TMEM117: variants seen among roughly 807,000 people sequenced by gnomAD.
TMEM117 encodes transmembrane protein 117.
TMEM117 carries 27 observed loss-of-function variants against 52.4 expected under a neutral mutation model. The ratio of observed to expected loss-of-function variants is 0.51; its 90% confidence interval spans 0.38 to 0.71. The LOEUF (loss-of-function observed/expected upper bound fraction) is 0.71. Ranked by LOEUF, TMEM117 falls within the 30% of genes least tolerant of loss-of-function variation. The pLI, the probability that TMEM117 is intolerant of heterozygous loss-of-function variation, is 0.00. For synonymous variants in TMEM117, 215 were observed against 206.3 expected, an observed-to-expected ratio of 1.04 and a Z score of -0.36; for missense variants, 556 against 630.5, an observed-to-expected ratio of 0.88 and a Z score of 1.26.
chr12:44,284,181 C>T (rs1424922563), intron 5 of TMEM117, among the ~76,000 whole-genome samples: 3 of 152,136 alleles, frequency 2.0e-5, no homozygotes, highest in Admixed American at 6.5e-5. Context: ...GGCATGGTGG[C>T]GCAGCCTGTA....
chr12:43,875,151 C>T (rs1015749787), intron 2 of TMEM117, among the ~76,000 whole-genome samples: 2 of 151,986 alleles, frequency 1.3e-5, no homozygotes, highest in African/African-American at 4.8e-5. Flanking sequence ...AAGTTAAATA[C>T]AAACAGCTTC....
chr12:43,862,133 C>G (rs1358769224), intron 2 of TMEM117, among the ~76,000 whole-genome samples: 1 of 152,174 alleles, frequency 6.6e-6, no homozygotes, highest in East Asian at 1.9e-4. Flanking sequence ...GGGCCCTTAA[C>G]TGATCCTCAA....
chr12:44,006,588 T>C (rs73087638), intron 3 of TMEM117, among the ~76,000 whole-genome samples: 10,236 of 152,174 alleles, frequency 0.067, 578 homozygotes, highest in African/African-American at 0.15. Flanking sequence ...TTTCCATCTC[T>C]CACAAAGAAT....
rs575585238 is a variant in TMEM117 at position 44,272,882 on chromosome 12, A to G, written c.609-26698A>G. Among the ~76,000 whole-genome samples, 1,002 of 152,326 alleles carry G rather than the reference A, an allele frequency of 6.6e-3. 6 individuals are homozygous for G. The highest frequency in any genetic ancestry group is 0.016 in the South Asian group (76 of 4,832). On this transcript the variant is annotated intron_variant, in intron 5 of 7. Transcript: ENST00000266534. ...CATCCCATTACTGGGTATATACCCA[A>G]AGGATTATAAATCATGCTGCTATAA...
chr12:43,950,486 A>T (rs1945201888), intron 3 of TMEM117, among the ~76,000 whole-genome samples: 3 of 151,488 alleles, frequency 2.0e-5, no homozygotes, highest in Admixed American at 6.6e-5. Flanking sequence ...TTTCATACTC[A>T]TGTCTTTCTG....
chr12:44,137,201 T>G (rs1948503414), intron 3 of TMEM117, among the ~76,000 whole-genome samples: 1 of 151,840 alleles, frequency 6.6e-6, no homozygotes, highest in African/African-American at 2.4e-5. Context: ...GGAAAATGAT[T>G]TAACATAGAG....
Position 44,260,737 on chromosome 12 carries a change from G to A in TMEM117, c.609-38843G>A, listed in dbSNP as rs189874179. 6.6e-5 allele frequency among the ~76,000 whole-genome samples: 10 copies of A among 152,242 alleles called. No individual in the cohort carries two copies. The East Asian group carries it at 1.9e-3, about 29-fold the overall frequency. ...ATAGAGATTAGTTTTGTTTTGTCTT[G>A]TTTAAAACCATCCTCCACCCCTTCC... On this transcript the variant is annotated intron_variant, in intron 5 of 7. Coordinates refer to ENST00000266534, the MANE Select transcript of TMEM117 (RefSeq NM_032256.3).
intron 2 of TMEM117, among the ~76,000 whole-genome samples, chr12:43,909,587 T>G (rs1163865755): frequency 6.7e-6 from 1 of 149,538 alleles, no homozygotes; most frequent in Non-Finnish European, 1.5e-5. Context: ...TCAACAAAAT[T>G]GATAGACCGC....
At chr12:43,861,677 A>G (rs1258542529) in intron 2 of TMEM117, among the ~76,000 whole-genome samples, 1 of 152,220 alleles carries the variant, frequency 6.6e-6, no homozygotes. Flanking sequence ...GACATATTTT[A>G]GCTTTAGGTA....
the TMEM117 span, chr12:43,804,456 A>G: frequency 7.7e-7 from 1 of 1,291,466 alleles, no homozygotes; most frequent in Non-Finnish European, 1.1e-6. Flanking sequence ...AACAGCCACT[A>G]ATCCAGGAAC....
At chr12:43,910,096 TA>T (rs1466162272) in intron 2 of TMEM117, among the ~76,000 whole-genome samples, 5 of 109,538 alleles carry the variant, frequency 4.6e-5, no homozygotes, top group Non-Finnish European at 9.6e-5. Flanking sequence ...AAATCCTCAA[TA>T]AAATACTGGC....
At chr12:43,965,672 A>G (rs1945472317) in intron 3 of TMEM117, among the ~76,000 whole-genome samples, 1 of 152,198 alleles carries the variant, frequency 6.6e-6, no homozygotes, top group Non-Finnish European at 1.5e-5. Context: ...TTCATTAAAT[A>G]TATGTCAAAT....
chr12:43,801,741 CA>C, the TMEM117 span, among the ~76,000 whole-genome samples: 1 of 152,034 alleles, frequency 6.6e-6, no homozygotes, highest in Non-Finnish European at 1.5e-5. Context: ...AAAATTACCA[CA>C]AATTAGGTTG....
chr12:44,362,922 G>A (rs1472534748), intron 6 of TMEM117, among the ~76,000 whole-genome samples: 2 of 151,242 alleles, frequency 1.3e-5, no homozygotes, highest in African/African-American at 2.4e-5. Flanking sequence ...GTGCGATCTC[G>A]GCTCACTACA....
intron 3 of TMEM117, among the ~76,000 whole-genome samples, chr12:43,967,580 C>CAGGA (rs911842552): frequency 6.6e-6 from 1 of 152,114 alleles, no homozygotes; most frequent in African/African-American, 2.4e-5. Context: ...AGATAATAGC[C>CAGGA]AGGAAGGACC....
intron 2 of TMEM117, among the ~76,000 whole-genome samples, chr12:43,883,344 A>C (rs576573867): frequency 6.6e-6 from 1 of 152,350 alleles, no homozygotes; most frequent in African/African-American, 2.4e-5. Flanking sequence ...ATTATAGTAC[A>C]TATGATTATT....
At chr12:44,266,898 C>G (rs1014395285) in intron 5 of TMEM117, among the ~76,000 whole-genome samples, 1 of 152,040 alleles carries the variant, frequency 6.6e-6, no homozygotes, top group Non-Finnish European at 1.5e-5. Flanking sequence ...GTGTTGGCAG[C>G]CTTGTCAGAA....
chr12:44,031,177 G>A (rs1172644926), intron 3 of TMEM117, among the ~76,000 whole-genome samples: 1 of 151,950 alleles, frequency 6.6e-6, no homozygotes, highest in African/African-American at 2.4e-5. Context: ...GCTTTCTTTG[G>A]GCTGTATTTG....
intron 2 of TMEM117, among the ~76,000 whole-genome samples, chr12:43,865,103 C>T (rs1433310149): frequency 6.6e-6 from 1 of 152,162 alleles, no homozygotes; most frequent in Admixed American, 6.5e-5. Context: ...CAACTCCGGA[C>T]CCGCTGCCTT....
Sources: allele counts gnomAD v4.1 joint callset (sites outside exome capture counted in the v4.1 genomes callset), GRCh38; gene constraint gnomAD v4.1.1; transcripts MANE v1.5; gene names NCBI Gene and HGNC (gene_info 2026-07-23, HGNC 2026-07-21).